The following BCAS3 variants were observed in gnomAD, a reference collection of about 807,000 sequenced individuals.
BCAS3 encodes the protein BCAS3 microtubule associated cell migration factor.
A neutral mutation model predicts 116.1 loss-of-function variants in BCAS3; 53 were observed. The ratio of observed to expected loss-of-function variants is 0.46; its 90% CI spans 0.37 to 0.57. The LOEUF is 0.57. Ranked by LOEUF, BCAS3 falls within the 20% of genes least tolerant of loss-of-function variation. The pLI is 0.00. For missense variants in BCAS3, 917 were observed against 1,165.4 expected (o/e 0.79, Z 3.10); for synonymous variants, 391 against 408.2 (o/e 0.96, Z 0.51).
chr17:61,389,957 C>G (rs1404232117), intron 23 of BCAS3: 1 of 152,330 alleles, frequency 6.6e-6, no homozygotes, highest in African/African-American at 2.4e-5. Flanking sequence ...AAAGCTGCCC[C>G]TGAGCTGTAA....
At chr17:60,782,070 G>A (rs2045884484) in intron 6 of BCAS3, among the ~76,000 whole-genome samples, 1 of 152,108 alleles carries the variant, frequency 6.6e-6, no homozygotes. Context: ...ACCTATACCT[G>A]CTACATAGCC....
At chr17:61,064,476 A>C (rs1337403630) in intron 19 of BCAS3, among the ~76,000 whole-genome samples, 1 of 152,184 alleles carries the variant, frequency 6.6e-6, no homozygotes, top group Non-Finnish European at 1.5e-5. Context: ...CAGACTCTCC[A>C]GGGGTAATTT....
intron 7 of BCAS3, among the ~76,000 whole-genome samples, chr17:60,854,428 T>A (rs533602582): frequency 1.3e-5 from 2 of 152,218 alleles, no homozygotes; most frequent in Non-Finnish European, 2.9e-5. Flanking sequence ...ATGGGATGGC[T>A]GGGTCAAATG....
At chr17:61,178,877 C>T (rs1466452345) in intron 22 of BCAS3, among the ~76,000 whole-genome samples, 2 of 152,160 alleles carry the variant, frequency 1.3e-5, no homozygotes, top group Admixed American at 1.3e-4. Flanking sequence ...TATATGAAGA[C>T]GCTGGAGCTT....
chr17:60,930,209 T>G (rs1013057700), intron 13 of BCAS3, among the ~76,000 whole-genome samples: 4 of 152,218 alleles, frequency 2.6e-5, no homozygotes, highest in African/African-American at 9.6e-5. Context: ...TTAGGAAGTT[T>G]TAACCCTCTA....
chr17:61,272,239 G>T (rs2050345309), intron 22 of BCAS3, among the ~76,000 whole-genome samples: 1 of 152,126 alleles, frequency 6.6e-6, no homozygotes, highest in Non-Finnish European at 1.5e-5. Flanking sequence ...CAAAATATAA[G>T]AAAATAAGAA....
intron 20 of BCAS3, among the ~76,000 whole-genome samples, chr17:61,076,075 A>T (rs1429068025): frequency 6.6e-6 from 1 of 152,162 alleles, no homozygotes; most frequent in Admixed American, 6.5e-5. Flanking sequence ...AGCTTCACTG[A>T]CCATCCCTCC....
chr17:61,080,441 G>A (rs1445318850), intron 21 of BCAS3, among the ~76,000 whole-genome samples: 1 of 151,864 alleles, frequency 6.6e-6, no homozygotes, highest in African/African-American at 2.4e-5. Flanking sequence ...CCTGACTGAT[G>A]TATCTTCTTA....
rs936401379 is a variant in BCAS3, at chr17:61,063,569, C to T, written c.2030-11351C>T. On this transcript the variant is annotated intron_variant, in intron 19 of 23. Coordinates refer to ENST00000407086, the MANE Select transcript of BCAS3 (RefSeq NM_017679.5). The surrounding 1 kb of genome is among the most constrained non-coding windows in gnomAD (Gnocchi z 5.3). Reference sequence around the variant, plus strand: ...GGCATGAGCCACCATGCCCGGCCTCCTGTTATAGTTCTTTGAAGAAATGCT... The same window carrying T: ...GGCATGAGCCACCATGCCCGGCCTCTTGTTATAGTTCTTTGAAGAAATGCT... 6.6e-6 allele frequency among the ~76,000 whole-genome samples: 1 copy of T among 152,086 alleles called. No homozygotes were observed. Among genetic ancestry groups the T allele is most frequent in the Non-Finnish European group, 1.5e-5 (1 of 67,982 alleles).
At chr17:61,055,722 C>G (rs1391719493) in intron 19 of BCAS3, among the ~76,000 whole-genome samples, 1 of 151,980 alleles carries the variant, frequency 6.6e-6, no homozygotes, top group African/African-American at 2.4e-5. Context: ...TTTCTCTGTT[C>G]TTACATGGTT....
chr17:60,765,552 AGAGATCAGCTGTTAGTCT>A (rs1487852074), intron 6 of BCAS3, among the ~76,000 whole-genome samples: 8 of 152,334 alleles, frequency 5.3e-5, no homozygotes, highest in African/African-American at 1.7e-4. Flanking sequence ...GTTTCTGCTG[AGAGATCAGCTGTTAGTCT>A]GATGGGCTTC....
chr17:61,089,425 C>T (rs2073343713), intron 22 of BCAS3, among the ~76,000 whole-genome samples: 1 of 143,974 alleles, frequency 6.9e-6, no homozygotes, highest in Non-Finnish European at 1.5e-5. Flanking sequence ...CTTATAGAGG[C>T]ATTCTTTTAT....
intron 22 of BCAS3, among the ~76,000 whole-genome samples, chr17:61,312,345 C>T (rs79848220): frequency 2.3e-3 from 354 of 152,232 alleles, no homozygotes; most frequent in African/African-American, 7.6e-3. Flanking sequence ...CCAGTTCTCC[C>T]GAAAGACAGG....
intron 22 of BCAS3, among the ~76,000 whole-genome samples, chr17:61,117,052 A>G (rs1179587120): frequency 6.6e-6 from 1 of 152,118 alleles, no homozygotes; most frequent in African/African-American, 2.4e-5. Flanking sequence ...TGTGGATATT[A>G]TTCAAGCATT....
chr17:60,716,095 T>A (rs1400148730), intron 5 of BCAS3, among the ~76,000 whole-genome samples: 1 of 150,500 alleles, frequency 6.6e-6, no homozygotes, highest in African/African-American at 2.4e-5. Context: ...GCTCCTGACC[T>A]TGTGCTGTGC....
In BCAS3 at chr17:61,387,705, G is replaced by A. The variant is rs1408058589; in HGVS notation, c.2594-4272G>A. The stretch of plus-strand genomic sequence containing the variant: ...GCTCTCCAGCATGGGCATGGGGGCC[G>A]GTCTTAGTGATGCCGGAGCTGCCAG... On this transcript the variant is annotated intron_variant, in intron 23 of 23. Transcript: ENST00000407086. The surrounding 1 kb of genome is among the most constrained non-coding windows in gnomAD (Gnocchi z 6.2). Among the ~76,000 whole-genome samples the A allele has an allele frequency of 1.3e-5, 2 of 152,204 alleles. No homozygotes were observed. The highest frequency in any genetic ancestry group is 2.4e-5 in the African/African-American group (1 of 41,442).
chr17:61,064,001 T>G (rs964501435), intron 19 of BCAS3, among the ~76,000 whole-genome samples: 3 of 152,240 alleles, frequency 2.0e-5, no homozygotes, highest in African/African-American at 7.2e-5. Context: ...CAAGCTTGAC[T>G]GTAAATTTGA....
rs2051008810 is a variant in BCAS3, at chr17:61,279,031, C to T, written c.2426-89296C>T. Among the ~76,000 whole-genome samples, 1 of 151,634 alleles carries T rather than the reference C, an allele frequency of 6.6e-6. No homozygotes were observed. The highest frequency in any genetic ancestry group is 1.5e-5 in the Non-Finnish European group (1 of 67,928). On this transcript the variant is annotated intron_variant, in intron 22 of 23. Transcript: ENST00000407086. This position sits in a 1 kb window ranked among gnomAD's most constrained non-coding sequence, Gnocchi z 4.4. ...AGTGGCATGTCTGGGCTCACTGCAA[C>T]CTCCTCCCAGATTCAAGTGAGTCTC...
At chr17:60,774,407 A>C (rs775281008) in intron 6 of BCAS3, among the ~76,000 whole-genome samples, 3 of 152,170 alleles carry the variant, frequency 2.0e-5, no homozygotes, top group Non-Finnish European at 2.9e-5. Context: ...AGGAATTTTA[A>C]TGTGGTTATC....
Sources: allele counts gnomAD v4.1 joint callset (sites outside exome capture counted in the v4.1 genomes callset), GRCh38; gene constraint gnomAD v4.1.1; non-coding constraint Gnocchi (gnomAD v3.1); transcripts MANE v1.5; gene names NCBI Gene and HGNC (gene_info 2026-07-23, HGNC 2026-07-21).